Variants in MPRIP observed in about 807,000 individuals in gnomAD.
The protein encoded by MPRIP is myosin phosphatase Rho-interacting protein.
MPRIP carries 59 observed loss-of-function variants against 234.9 expected under a neutral mutation model. The ratio of observed to expected loss-of-function variants is 0.25; its 90% CI spans 0.20 to 0.31. The LOEUF (loss-of-function observed/expected upper bound fraction) is 0.31, where lower values mean the gene tolerates loss of function less well. Among genes scored for constraint, MPRIP ranks in the 10% least tolerant of loss-of-function variants. The pLI is 1.00. For synonymous variants in MPRIP, 1,144 were observed against 1,263.9 expected, an observed-to-expected ratio of 0.91 and a Z score of 2.01; for missense variants, 2,436 against 3,071.0, an observed-to-expected ratio of 0.79 and a Z score of 4.89.
intron 8 of MPRIP, 71 bp downstream of exon 8, chr17:17,142,836 A>C (rs2045359504): frequency 6.5e-7 from 1 of 1,541,028 alleles, no homozygotes; most frequent in Non-Finnish European, 8.8e-7. Context: ...CCATGCGCCA[A>C]GTCCCCTCCA....
intron 1 of MPRIP, among the ~76,000 whole-genome samples, chr17:17,050,672 GTTTC>G (rs938301264): frequency 6.6e-6 from 1 of 152,212 alleles, no homozygotes; most frequent in African/African-American, 2.4e-5. Flanking sequence ...AACTTTTGAA[GTTTC>G]TTTCTTTGAC....
At chr17:17,056,418 T>C (rs1235586882) in intron 1 of MPRIP, among the ~76,000 whole-genome samples, 1 of 152,168 alleles carries the variant, frequency 6.6e-6, no homozygotes, top group African/African-American at 2.4e-5. Flanking sequence ...AAAATGTCAC[T>C]TTCCCCCTCC....
At chr17:17,142,541 CCAGGCCGGGCATGGGAGGAGTCGGCTCA>C in intron 7 of MPRIP, 58 bp from the exon 8 acceptor site, 1 of 1,512,914 alleles carries the variant, frequency 6.6e-7, no homozygotes, top group Non-Finnish European at 9.0e-7. Flanking sequence ...CAGGCCCGGG[CCAGGCCGGGCATGGGAGGAGTCGGCTCA>C]CTGCCACCTC....
Position 17,165,230 on chromosome 17 carries a change from A to T in MPRIP, c.3639A>T (p.Glu1213Asp). The T allele has an allele frequency of 7.7e-7, 1 of 1,304,142 alleles. No homozygotes were observed. Among genetic ancestry groups the T allele is most frequent in the South Asian group, 1.2e-5 (1 of 81,032 alleles). The allele number at this position is 1,304,142 out of a possible 1,614,324, so 80.8% of individuals were successfully genotyped here. Residue 1213 changes from glutamate (E) to aspartate (D), a missense_variant, in exon 16 of 24, where the codon GAA becomes GAT. By Grantham distance (45) the Glu-to-Asp change is conservative. Around this residue, in one of 4 missense-constraint regions of MPRIP, gnomAD observed 1,998 missense variants for 2,520.3 expected, o/e 0.79. Coordinates refer to ENST00000651222, the MANE Select transcript of MPRIP (RefSeq NM_001364716.4). Reference protein sequence around the residue: ...EETEIKLQAKEEILRKFASES... With the variant: ...EETEIKLQAKDEILRKFASES... ...CAGAAATTAAGCTCCAGGCAAAAGAAGAGATTTTAAGGAAATTTGCAAGTG... is the reference window on the plus strand; with the variant it reads ...CAGAAATTAAGCTCCAGGCAAAAGATGAGATTTTAAGGAAATTTGCAAGTG...
chr17:17,130,312 C>T (rs546480830), intron 4 of MPRIP, among the ~76,000 whole-genome samples: 1 of 152,082 alleles, frequency 6.6e-6, no homozygotes, highest in South Asian at 2.1e-4. Flanking sequence ...GTGACTGACC[C>T]TTCCTTTGTC....
intron 3 of MPRIP, among the ~76,000 whole-genome samples, chr17:17,082,359 A>G (rs2089483733): frequency 7.9e-6 from 1 of 127,098 alleles, no homozygotes; most frequent in Non-Finnish European, 1.5e-5. Context: ...GCAATGGCGC[A>G]GTCTCGGCTC....
chr17:17,127,014 C>T (rs1338230147), intron 4 of MPRIP, among the ~76,000 whole-genome samples, 161 bp downstream of exon 4: 4 of 152,224 alleles, frequency 2.6e-5, no homozygotes, highest in Admixed American at 2.6e-4. Context: ...GTGCTGAGCA[C>T]AGCAGAAATC....
chr17:17,143,488 A>C, intron 8 of MPRIP, 68 bp from the exon 9 acceptor site: 1 of 1,055,312 alleles, frequency 9.5e-7, no homozygotes. Flanking sequence ...GGTGGACAGC[A>C]CCAGCTCGTC....
chr17:17,157,941 G>T (rs538375986), intron 13 of MPRIP, among the ~76,000 whole-genome samples: 1 of 152,210 alleles, frequency 6.6e-6, no homozygotes, highest in Non-Finnish European at 1.5e-5. Flanking sequence ...CCAGTCCAGG[G>T]GTGCACAGGG....
At chr17:17,057,936 A>G (rs760315321) in intron 1 of MPRIP, 20 of 489,094 alleles carry the variant, frequency 4.1e-5, no homozygotes, top group Non-Finnish European at 6.9e-5. Context: ...AATAATAAAA[A>G]TGAATGCTCG....
In MPRIP at chr17:17,174,065, C is replaced by T. The variant is rs780731634; in HGVS notation, c.6740C>T (p.Ala2247Val). The change falls in exon 19 of 24, where the codon GCC (alanine) becomes GTC (valine). Residue 2247 changes from alanine (A) to valine (V), a missense_variant. Ala to Val is a moderately conservative substitution (Grantham distance 64). Transcript: ENST00000651222. ...CAGCGTGAGAACCAGGAGCTCAATG[C>T]CCACAACCAGGTGAGCCTGCAGCCA... ...QCQRENQELN[A>V]HNQELNNRLA... The T allele has an allele frequency of 3.7e-6, 6 of 1,613,200 alleles. No individual in the cohort carries two copies. In the South Asian group the frequency reaches 6.6e-5, roughly 18 times the overall value.
chr17:17,122,539 G>T (rs763356448), intron 3 of MPRIP, among the ~76,000 whole-genome samples: 1 of 152,010 alleles, frequency 6.6e-6, no homozygotes, highest in Non-Finnish European at 1.5e-5. Flanking sequence ...ATTTTTAGTA[G>T]AGACAGGGTT....
chr17:17,138,488 G>A lies in MPRIP; in HGVS notation c.1250+59G>A, dbSNP rs1407285324. The stretch of plus-strand genomic sequence containing the variant: ...CCCACACACATGCACTTCCACCCAC[G>A]CACATACACTCATACTCTCTGTTTC... On this transcript the variant is annotated intron_variant, in intron 7 of 23. Coordinates refer to ENST00000651222, the MANE Select transcript of MPRIP (RefSeq NM_001364716.4). This position sits in a 1 kb window ranked among gnomAD's most constrained non-coding sequence, Gnocchi z 5.8. 1.2e-5 allele frequency: 2 copies of A among 173,542 alleles called. No individual in the cohort carries two copies. The highest frequency in any genetic ancestry group is 1.7e-4 in the East Asian group (1 of 5,964). 10.8% of individuals were successfully genotyped at this position (173,542 alleles called of 1,614,324 possible).
rs770496641 is a variant in MPRIP, at chr17:17,138,408, G to A, written c.1229G>A (p.Arg410His). Residue 410 changes from arginine (R) to histidine (H), a missense_variant, in exon 7 of 24, where the codon CGT becomes CAT. Physicochemically the swap from Arg to His is conservative, Grantham distance 29. Transcript: ENST00000651222. The surrounding 1 kb of genome is among the most constrained non-coding windows in gnomAD (Gnocchi z 5.8). ...AGCCCTGGCAGGGAGGAGGTGGCCC[G>A]TCTGTTTGGCAACGAGCGGAGGTAA... is the stretch of plus-strand genomic sequence containing the variant. ...ARSPGREEVA[R>H]LFGNERRRSQ... 4 of 277,804 alleles carry A rather than the reference G, an allele frequency of 1.4e-5. No homozygotes were observed. The highest frequency in any genetic ancestry group is 2.7e-5 in the Non-Finnish European group (4 of 148,656). The allele number at this position is 277,804 out of a possible 1,614,324, so 17.2% of individuals were successfully genotyped here. A position where few individuals can be genotyped will look rare whatever the true frequency, so the allele number is the denominator to read the frequency against.
At position 17,165,885 on chromosome 17, in the gene MPRIP, C is replaced by A. The variant is rs79436844; in HGVS notation, c.4294C>A (p.Gln1432Lys). ...GGGCACCGAGGCCCAGCTGCGTGAG[C>A]AGCTCCGCGCCAGCCTGCTCCAGGT... ...WAGTEAQLRE[Q>K]LRASLLQVGA... The change falls in exon 16 of 24, where the codon CAG becomes AAG. Residue 1432 changes from glutamine to lysine, a missense_variant. Gln to Lys is a moderately conservative substitution (Grantham distance 53). This residue lies in a region of MPRIP where 1,998 missense variants were observed against 2,520.3 expected (regional missense o/e 0.79). Transcript: ENST00000651222. 0.021 allele frequency: 27,560 copies of A among 1,303,828 alleles called. 425 individuals are homozygous for A. Among genetic ancestry groups the A allele is most frequent in the Middle Eastern group, 0.026 (124 of 4,694 alleles). The allele number at this position is 1,303,828 out of a possible 1,614,324, so 80.8% of individuals were successfully genotyped here. A position where few individuals can be genotyped will look rare whatever the true frequency, so the allele number is the denominator to read the frequency against.
chr17:17,101,860 A>G (rs1363820547), intron 3 of MPRIP, among the ~76,000 whole-genome samples: 4 of 152,158 alleles, frequency 2.6e-5, no homozygotes, highest in Admixed American at 6.5e-5. Context: ...AGCCATGCCC[A>G]GAAAGCCTGC....
chr17:17,130,223 C>T lies in MPRIP; in HGVS notation c.420-1394C>T, dbSNP rs374164240. Among the ~76,000 whole-genome samples, 15 of 152,222 alleles carry T rather than the reference C, an allele frequency of 9.9e-5. No individual in the cohort carries two copies. In the East Asian group the frequency reaches 2.7e-3, roughly 27 times the overall value. On this transcript the variant is annotated intron_variant, in intron 4 of 23. Coordinates refer to ENST00000651222, the MANE Select transcript of MPRIP (RefSeq NM_001364716.4). ...CCCCTCAGCTCTGTTGCTGTGGTTC[C>T]GTGCATTAAGCCTGGCCTCTGCCGC... is the stretch of plus-strand genomic sequence containing the variant.
intron 1 of MPRIP, among the ~76,000 whole-genome samples, chr17:17,056,097 C>A (rs759917473): frequency 6.6e-6 from 1 of 152,184 alleles, no homozygotes; most frequent in African/African-American, 2.4e-5. Flanking sequence ...GTGTGTGGCC[C>A]CCTTGGCCCC....
chr17:17,124,717 G>C (rs1434491898), intron 3 of MPRIP, among the ~76,000 whole-genome samples: 1 of 152,196 alleles, frequency 6.6e-6, no homozygotes, highest in Non-Finnish European at 1.5e-5. Flanking sequence ...AAGATGCCTT[G>C]TCTAGGGAGG....
Sources: allele counts gnomAD v4.1 joint callset (sites outside exome capture counted in the v4.1 genomes callset), GRCh38; gene constraint gnomAD v4.1.1; regional missense constraint gnomAD v4.1.1; non-coding constraint Gnocchi (gnomAD v3.1); transcripts MANE v1.5; gene names NCBI Gene and HGNC (gene_info 2026-07-23, HGNC 2026-07-21).